The following OGT variants were observed in gnomAD, a reference collection of about 807,000 sequenced individuals.
OGT encodes the protein UDP-N-acetylglucosamine--peptide N-acetylglucosaminyltransferase 110 kDa subunit.
A neutral mutation model predicts 75.8 loss-of-function variants in OGT; 3 were observed. That is an observed-to-expected ratio of 0.04 (90% CI 0.02 to 0.10). The LOEUF is 0.10. Among genes scored for constraint, OGT ranks in the 10% least tolerant of loss-of-function variants. The probability of loss-of-function intolerance (pLI) is 1.00; values close to 1 mark genes in which losing one functional copy is unlikely to be tolerated. For synonymous variants in OGT, 257 were observed against 289.7 expected (o/e 0.89, Z 1.15); for missense variants, 260 against 824.4 (o/e 0.32, Z 8.38).
In OGT at chrX:71,547,376, T is replaced by A. The variant is rs1046779197; in HGVS notation, c.532-531T>A. 1.0e-5 allele frequency: 7 copies of A among 686,991 alleles called. No homozygotes were observed. In the African/African-American group the frequency reaches 1.7e-4, roughly 16 times the overall value. 56.6% of individuals were successfully genotyped at this position (686,991 alleles called of 1,213,427 possible). ...GTCAACTAAGTTCAGGGAACCCTGTTACACTATTAAAGGCTTAGGGAAGTC... is the reference window on the plus strand; with the variant it reads ...GTCAACTAAGTTCAGGGAACCCTGTAACACTATTAAAGGCTTAGGGAAGTC... On this transcript the variant is annotated intron_variant, in intron 4 of 21. Coordinates refer to ENST00000373719, the MANE Select transcript of OGT (RefSeq NM_181672.3).
In OGT at chrX:71,565,540, T is replaced by G. The variant is rs569444515; in HGVS notation, c.2589+787T>G. Reference sequence around the variant, plus strand: ...CACCGCACCTGGCCTTGTGCTCATTTATAATCTTCAAGAGATGTAGATTTT... The same window carrying G: ...CACCGCACCTGGCCTTGTGCTCATTGATAATCTTCAAGAGATGTAGATTTT... On this transcript the variant is annotated intron_variant, in intron 19 of 21. Coordinates refer to ENST00000373719, the MANE Select transcript of OGT (RefSeq NM_181672.3). 8.1e-4 allele frequency among the ~76,000 whole-genome samples: 91 copies of G among 112,188 alleles called. 1 individual carries two copies. In the South Asian group the frequency reaches 0.032, roughly 40 times the overall value.
At chrX:71,544,707 C>A (rs1042241483) in intron 4 of OGT, 72 bp downstream of exon 4, 139 of 805,336 alleles carry the variant, frequency 1.7e-4, no homozygotes, top group Non-Finnish European at 2.3e-4. Context: ...GTCTTCAACT[C>A]TTCATTGAGC....
At chrX:71,533,771 C>T (rs893703735) in intron 1 of OGT, among the ~76,000 whole-genome samples, 6 of 109,174 alleles carry the variant, frequency 5.5e-5, no homozygotes, top group African/African-American at 2.0e-4. Flanking sequence ...GTCTTTTCCC[C>T]TTAGCCAGAT....
chrX:71,543,480 C>T (rs1167944424), intron 3 of OGT, among the ~76,000 whole-genome samples: 1 of 110,721 alleles, frequency 9.0e-6, no homozygotes, highest in African/African-American at 3.3e-5. Flanking sequence ...TTCACCCACT[C>T]AACTCTAATG....
At position 71,538,003 on chromosome X, in the gene OGT, C is replaced by T. The variant is rs768305827; in HGVS notation, c.393C>T (p.Ala131=). 8 of 1,211,623 alleles carry T rather than the reference C, an allele frequency of 6.6e-6. No individual in the cohort carries two copies. Among genetic ancestry groups the T allele is most frequent in the East Asian group, 3.0e-5 (1 of 33,858 alleles). ...TCGATGGTTATATTAACCTGGCAGC[C>T]GCCTTGGTAGCAGCGGGTGACATGG... ...DFIDGYINLA[A]ALVAAGDMEG... The change falls in exon 3 of 22, where the codon GCC becomes GCT. Residue 131 remains alanine (A), a synonymous_variant. Coordinates refer to ENST00000373719, the MANE Select transcript of OGT (RefSeq NM_181672.3).
rs912240625 is a variant in OGT, at chrX:71,548,117, A to G, written c.648+94A>G. On this transcript the variant is annotated intron_variant, in intron 5 of 21. Coordinates refer to ENST00000373719, the MANE Select transcript of OGT (RefSeq NM_181672.3). ...ATAATAGGTCTTAGCCAGTGACATTATATCTTTGTTTCTCTGGCGGTATAG... is the reference window on the plus strand; with the variant it reads ...ATAATAGGTCTTAGCCAGTGACATTGTATCTTTGTTTCTCTGGCGGTATAG... The G allele has an allele frequency of 1.3e-4, 112 of 885,932 alleles. 1 individual carries two copies. The highest frequency in any genetic ancestry group is 1.6e-4 in the Non-Finnish European group (102 of 631,895). The allele number at this position is 885,932 out of a possible 1,213,427, so 73.0% of individuals were successfully genotyped here.
At chrX:71,559,799 T>C in intron 14 of OGT, 122 bp downstream of exon 14, 1 of 486,231 alleles carries the variant, frequency 2.1e-6, no homozygotes, top group Non-Finnish European at 3.4e-6. Context: ...GGCAATTGTG[T>C]TGATCTTATT....
At chrX:71,552,727 T>C (rs1464276240) in intron 5 of OGT, among the ~76,000 whole-genome samples, 2 of 108,619 alleles carry the variant, frequency 1.8e-5, no homozygotes. Flanking sequence ...TTTTTTTTTT[T>C]CTGTTAGGTA....
At chrX:71,555,648 G>T (rs1397441484) in intron 7 of OGT, among the ~76,000 whole-genome samples, 2 of 112,146 alleles carry the variant, frequency 1.8e-5, no homozygotes, top group East Asian at 5.6e-4. Context: ...ATTGAGTCCT[G>T]GGAGGTTGAG....
chrX:71,564,594 G>C lies in OGT; in HGVS notation c.2437-7G>C, dbSNP rs762380677. On this transcript the variant is annotated splice_region_variant and splice_polypyrimidine_tract_variant and intron_variant, in intron 18 of 21. Transcript: ENST00000373719. ...TAAATATAACCATCATTTTTTTCTT[G>C]TTCTAGATCAACAATAAGGCTGCAA... The C allele has an allele frequency of 3.4e-5, 41 of 1,191,610 alleles. No individual in the cohort carries two copies. The highest frequency in any genetic ancestry group is 4.6e-5 in the Non-Finnish European group (41 of 885,196).
At chrX:71,551,568 G>T (rs1176414425) in intron 5 of OGT, among the ~76,000 whole-genome samples, 2 of 112,280 alleles carry the variant, frequency 1.8e-5, no homozygotes, top group African/African-American at 3.2e-5. Flanking sequence ...GGAGGTGGAG[G>T]TTGCAGTGAG....
chrX:71,563,240 T>A lies in OGT; in HGVS notation c.2259T>A (p.Ile753=), dbSNP rs2040395637. 2 of 1,206,041 alleles carry A rather than the reference T, an allele frequency of 1.7e-6. No individual in the cohort carries two copies. The highest frequency in any genetic ancestry group is 4.3e-5 in the Admixed American group (2 of 46,040). ...AFLDSLPDVK[I]VKMKCPDGGD... is the part of the protein sequence containing the mutation. ...TTGATAGTCTACCAGATGTGAAAAT[T>A]GTCAAGGTCAGAACCTAGTCAGTAT... Residue 753 remains isoleucine (I), a synonymous_variant, in exon 17 of 22, where the codon ATT becomes ATA. Transcript: ENST00000373719.
chrX:71,550,720 A>G (rs751035216), intron 5 of OGT, among the ~76,000 whole-genome samples: 46 of 112,318 alleles, frequency 4.1e-4, no homozygotes, highest in African/African-American at 1.3e-3. Context: ...TTTACTGTGC[A>G]GAAGCTTTTT....
chrX:71,555,730 A>T, intron 7 of OGT: 1 of 430,977 alleles, frequency 2.3e-6, no homozygotes, highest in South Asian at 4.4e-5. Context: ...GTCTCAAAAA[A>T]ATCACAAAAA....
At chrX:71,561,145 C>T (rs2040381164) in intron 14 of OGT, among the ~76,000 whole-genome samples, 1 of 109,839 alleles carries the variant, frequency 9.1e-6, no homozygotes, top group African/African-American at 3.3e-5. Flanking sequence ...CCAGGCTGGT[C>T]TCGAACTCCT....
At chrX:71,539,724 A>G (rs2040204392) in intron 3 of OGT, among the ~76,000 whole-genome samples, 1 of 112,226 alleles carries the variant, frequency 8.9e-6, no homozygotes, top group African/African-American at 3.2e-5. Flanking sequence ...CATTTTTCCC[A>G]GGGCTCAGGG....
At chrX:71,535,757 A>G (rs2040171231) in intron 1 of OGT, among the ~76,000 whole-genome samples, 1 of 111,877 alleles carries the variant, frequency 8.9e-6, no homozygotes, top group Non-Finnish European at 1.9e-5. Flanking sequence ...ACGTTTCCCA[A>G]TATGTTATTC....
chrX:71,553,323 G>T (rs1255469732), intron 5 of OGT, among the ~76,000 whole-genome samples: 1 of 110,737 alleles, frequency 9.0e-6, no homozygotes, highest in African/African-American at 3.3e-5. Context: ...TGAACTCCGG[G>T]CCTCAAGTGA....
At chrX:71,549,622 C>CA (rs1202947851) in intron 5 of OGT, among the ~76,000 whole-genome samples, 1 of 110,344 alleles carries the variant, frequency 9.1e-6, no homozygotes, top group African/African-American at 3.3e-5. Context: ...CCTGTCTCTA[C>CA]AAAAAATACA....
Sources: gnomAD v4.1 joint callset for allele counts (sites outside exome capture counted in the v4.1 genomes callset) on GRCh38, gnomAD v4.1.1 for gene constraint, MANE v1.5 for transcripts, NCBI Gene and HGNC (gene_info 2026-07-23, HGNC 2026-07-21) for gene names.